The following CDC42BPB variants were observed in gnomAD, a reference collection of about 807,000 sequenced individuals.
The protein encoded by CDC42BPB is serine/threonine-protein kinase MRCK beta.
CDC42BPB carries 37 observed loss-of-function variants against 214.9 expected under a neutral mutation model. The observed-to-expected ratio is 0.17, with a 90% CI of 0.13 to 0.23. The LOEUF is 0.23. Among genes scored for constraint, CDC42BPB ranks in the 10% least tolerant of loss-of-function variants. The probability of loss-of-function intolerance (pLI) is 1.00; values close to 1 mark genes in which losing one functional copy is unlikely to be tolerated. For synonymous variants in CDC42BPB, 931 were observed against 884.0 expected, an observed-to-expected ratio of 1.05 and a Z score of -0.94; for missense variants, 1,694 against 2,227.0, an observed-to-expected ratio of 0.76 and a Z score of 4.82.
At chr14:102,998,463 A>G (rs79521053) in intron 5 of CDC42BPB, among the ~76,000 whole-genome samples, 5,467 of 152,354 alleles carry the variant, frequency 0.036, 322 homozygotes, top group African/African-American at 0.12. Flanking sequence ...CTATTACCAT[A>G]AAATTATCTT....
intron 34 of CDC42BPB, among the ~76,000 whole-genome samples, chr14:102,939,160 C>T (rs927585753): frequency 2.0e-5 from 3 of 151,582 alleles, no homozygotes; most frequent in East Asian, 2.0e-4. Flanking sequence ...AGGATGGTCT[C>T]GATCTCCTGA....
chr14:102,987,525 C>G (rs1295205732), intron 5 of CDC42BPB, among the ~76,000 whole-genome samples: 1 of 152,156 alleles, frequency 6.6e-6, no homozygotes, highest in Non-Finnish European at 1.5e-5. Flanking sequence ...GGTGAGTAAG[C>G]TGGGCTATAC....
At chr14:102,957,891 T>G (rs1160607125) in intron 21 of CDC42BPB, among the ~76,000 whole-genome samples, 1 of 152,218 alleles carries the variant, frequency 6.6e-6, no homozygotes, top group African/African-American at 2.4e-5. Context: ...CAGGCCGGCC[T>G]CTGTGCGTGG....
chr14:102,986,237 T>G (rs528352434), intron 6 of CDC42BPB: 1 of 400,440 alleles, frequency 2.5e-6, no homozygotes, highest in Non-Finnish European at 4.6e-6. Context: ...TGAGGAAACC[T>G]GACAACTCCC....
At chr14:102,987,032 G>A (rs1012549437) in intron 5 of CDC42BPB, among the ~76,000 whole-genome samples, 1 of 152,236 alleles carries the variant, frequency 6.6e-6, no homozygotes, top group Non-Finnish European at 1.5e-5. Flanking sequence ...AAACAGGAAT[G>A]GGACAAAGGG....
chr14:102,973,720 C>T (rs1329500733), intron 12 of CDC42BPB, among the ~76,000 whole-genome samples: 1 of 152,138 alleles, frequency 6.6e-6, no homozygotes, highest in Non-Finnish European at 1.5e-5. Flanking sequence ...GCTGCTTTCT[C>T]TGTGGGTCTG....
At chr14:103,014,526 T>C (rs1426877563) in intron 1 of CDC42BPB, among the ~76,000 whole-genome samples, 1 of 152,162 alleles carries the variant, frequency 6.6e-6, no homozygotes, top group Non-Finnish European at 1.5e-5. Context: ...TGGCTACAAT[T>C]AGCTCCAAAA....
intron 33 of CDC42BPB, 39 bp downstream of exon 33, chr14:102,939,791 G>A (rs1320458226): frequency 5.0e-6 from 8 of 1,613,862 alleles, no homozygotes; most frequent in Non-Finnish European, 6.8e-6. Flanking sequence ...CCCCTCCCTA[G>A]AGCGAGGCCC....
intron 6 of CDC42BPB, among the ~76,000 whole-genome samples, chr14:102,985,281 C>A (rs1894190922): frequency 6.9e-6 from 1 of 144,244 alleles, no homozygotes; most frequent in African/African-American, 2.6e-5. Context: ...TCTGGTTATA[C>A]CATGACGGGG....
At chr14:102,960,509 C>A (rs896267470) in intron 20 of CDC42BPB, among the ~76,000 whole-genome samples, 13 of 152,108 alleles carry the variant, frequency 8.5e-5, no homozygotes, top group African/African-American at 3.1e-4. Flanking sequence ...GTGGTCCTAG[C>A]TACTTGGGAG....
chr14:102,954,522 G>A (rs1004445722), intron 22 of CDC42BPB, 80 bp downstream of exon 22: 1 of 1,436,338 alleles, frequency 7.0e-7, no homozygotes, highest in African/African-American at 1.4e-5. Context: ...GTTATGCAGG[G>A]GCCAGGTGAG....
chr14:103,004,196 CT>C lies in CDC42BPB; in HGVS notation c.352-174del. 1 of 1,359,838 alleles carries C rather than the reference CT, an allele frequency of 7.4e-7. No homozygotes were observed. The highest frequency in any genetic ancestry group is 9.5e-7 in the Non-Finnish European group (1 of 1,053,460). 84.2% of individuals were successfully genotyped at this position (1,359,838 alleles called of 1,614,324 possible). ...GCTGAGGCTGAGCCATCCCTCATCCCTTCCTCTCCCAAGCCCCGTGCAAGTG... is the reference window on the plus strand; with the variant it reads ...GCTGAGGCTGAGCCATCCCTCATCCCTCCTCTCCCAAGCCCCGTGCAAGTG... On this transcript the variant is annotated intron_variant, in intron 3 of 36. Coordinates refer to ENST00000361246, the MANE Select transcript of CDC42BPB (RefSeq NM_006035.4). This position sits in a 1 kb window ranked among gnomAD's most constrained non-coding sequence, Gnocchi z 5.3.
intron 6 of CDC42BPB, among the ~76,000 whole-genome samples, chr14:102,985,288 G>A (rs35571651): frequency 4.3e-5 from 6 of 139,362 alleles, no homozygotes; most frequent in East Asian, 2.2e-4. Flanking sequence ...ATACCATGAC[G>A]GGGTGGTATG....
intron 5 of CDC42BPB, among the ~76,000 whole-genome samples, chr14:102,997,611 C>T (rs1312092924): frequency 6.6e-6 from 1 of 152,138 alleles, no homozygotes; most frequent in Non-Finnish European, 1.5e-5. Flanking sequence ...CGAGACTACC[C>T]GATGCATGTC....
chr14:103,000,682 C>A (rs935232016), intron 4 of CDC42BPB, among the ~76,000 whole-genome samples: 2 of 152,216 alleles, frequency 1.3e-5, no homozygotes, highest in Admixed American at 1.3e-4. Context: ...GGAGTAAACG[C>A]CCTGTTTATC....
chr14:103,012,541 A>G (rs1886217457), intron 1 of CDC42BPB, among the ~76,000 whole-genome samples: 1 of 152,178 alleles, frequency 6.6e-6, no homozygotes, highest in African/African-American at 2.4e-5. Context: ...GCGGTGGCTC[A>G]TGGCTGTAAT....
intron 1 of CDC42BPB, among the ~76,000 whole-genome samples, chr14:103,052,055 T>A (rs1888640129): frequency 6.6e-6 from 1 of 152,042 alleles, no homozygotes. Flanking sequence ...TTGGCCAGGC[T>A]GGTCTCAAAC....
At chr14:102,982,519 A>G (rs1894049961) in intron 7 of CDC42BPB, among the ~76,000 whole-genome samples, 1 of 152,220 alleles carries the variant, frequency 6.6e-6, no homozygotes, top group African/African-American at 2.4e-5. Context: ...CTGTAATCCC[A>G]GCACTTTGGG....
chr14:102,945,593 C>T (rs113082450), intron 29 of CDC42BPB, 69 bp downstream of exon 29: 2 of 1,375,674 alleles, frequency 1.5e-6, no homozygotes, highest in South Asian at 1.2e-5. Context: ...GAGCTACTGA[C>T]CCTGTGCTGT....
Sources: allele counts gnomAD v4.1 joint callset (sites outside exome capture counted in the v4.1 genomes callset), GRCh38; gene constraint gnomAD v4.1.1; non-coding constraint Gnocchi (gnomAD v3.1); transcripts MANE v1.5; gene names NCBI Gene and HGNC (gene_info 2026-07-23, HGNC 2026-07-21).